Variants in SHC3 observed in about 807,000 individuals in gnomAD.
SHC3 encodes the protein SHC adaptor protein 3.
Under a neutral mutation model 60.4 loss-of-function variants are expected in SHC3, and 15 were observed. The ratio of observed to expected loss-of-function variants is 0.25; its 90% CI spans 0.17 to 0.38. The LOEUF is 0.38. SHC3 is among the 10% of genes least tolerant of loss of function. The pLI is 1.00. For missense variants in SHC3, 677 were observed against 786.1 expected (o/e 0.86, Z 1.66); for synonymous variants, 294 against 325.9 (o/e 0.90, Z 1.05).
intron 1 of SHC3, among the ~76,000 whole-genome samples, chr9:89,137,044 G>A (rs550970752): frequency 2.3e-4 from 35 of 152,012 alleles, no homozygotes; most frequent in Non-Finnish European, 4.4e-4. Context: ...TGAAGGGGGA[G>A]GTGGATATAC....
rs977845463 is a variant in SHC3 at position 89,007,049 on chromosome 9, C to G, written c.*6398G>C. ...CCTAAAATTGTATGAGATTTTATTC[C>G]TGGTGCTTTTTCAGCGAGAACCATT... On this transcript the variant is annotated 3_prime_UTR_variant, in exon 12 of 12. Transcript: ENST00000375835. 3.9e-5 allele frequency: 6 copies of G among 152,308 alleles called. No homozygotes were observed. Among genetic ancestry groups the G allele is most frequent in the African/African-American group, 1.4e-4 (6 of 41,566 alleles). The allele number at this position is 152,308 out of a possible 1,614,324, so 9.4% of individuals were successfully genotyped here.
At chr9:89,125,353 T>G (rs1333220750) in intron 1 of SHC3, among the ~76,000 whole-genome samples, 2 of 146,358 alleles carry the variant, frequency 1.4e-5, no homozygotes, top group Non-Finnish European at 3.0e-5. Flanking sequence ...TTAATGTTAG[T>G]TTTTTTTTTT....
At chr9:89,028,642 T>A (rs962195248) in intron 11 of SHC3, among the ~76,000 whole-genome samples, 1 of 146,596 alleles carries the variant, frequency 6.8e-6, no homozygotes, top group African/African-American at 2.5e-5. Context: ...TATATAGATA[T>A]CTATATAGAA....
rs1824653499 is a variant in SHC3 at position 89,040,119 on chromosome 9, AC to A, written c.1361-1832del. Among the ~76,000 whole-genome samples, 3 of 144,356 alleles carry A rather than the reference AC, an allele frequency of 2.1e-5. No homozygotes were observed. In the South Asian group the frequency reaches 6.8e-4, roughly 33 times the overall value. The allele number at this position is 144,356 out of a possible 152,430, so 94.7% of individuals were successfully genotyped here. A position where few individuals can be genotyped will look rare whatever the true frequency, so the allele number is the denominator to read the frequency against. ...CAGCATCATCACCACCATCATCACCACCACCAGCACCATCAGCAGCAGCATC... is the reference window on the plus strand; with the variant it reads ...CAGCATCATCACCACCATCATCACCACACCAGCACCATCAGCAGCAGCATC... On this transcript the variant is annotated intron_variant, in intron 10 of 11. Coordinates refer to ENST00000375835, the MANE Select transcript of SHC3 (RefSeq NM_016848.6).
At chr9:89,140,371 G>C (rs985463419) in intron 1 of SHC3, among the ~76,000 whole-genome samples, 1 of 151,940 alleles carries the variant, frequency 6.6e-6, no homozygotes, top group South Asian at 2.1e-4. Flanking sequence ...TTTTATACCA[G>C]ATCTTGGATC....
At chr9:89,034,643 C>T (rs1343011464) in intron 11 of SHC3, among the ~76,000 whole-genome samples, 2 of 152,118 alleles carry the variant, frequency 1.3e-5, no homozygotes, top group Non-Finnish European at 2.9e-5. Flanking sequence ...CAGCAAAAAT[C>T]GTCAAGAAAA....
At chr9:89,098,683 C>A (rs112569169) in intron 2 of SHC3, among the ~76,000 whole-genome samples, 12,644 of 152,078 alleles carry the variant, frequency 0.083, 626 homozygotes, top group Admixed American at 0.13. Context: ...TGGTAGCAGG[C>A]GCCTGTAGTC....
At chr9:89,047,794 G>C (rs1587694175) in intron 7 of SHC3, among the ~76,000 whole-genome samples, 1 of 152,332 alleles carries the variant, frequency 6.6e-6, no homozygotes, top group African/African-American at 2.4e-5. Context: ...TTGCTCATGG[G>C]ACTGTAAAAT....
At chr9:89,144,552 A>G (rs1022280042) in intron 1 of SHC3, among the ~76,000 whole-genome samples, 2 of 152,214 alleles carry the variant, frequency 1.3e-5, no homozygotes, top group Non-Finnish European at 2.9e-5. Context: ...AGCCCAGACT[A>G]CATCACATTA....
At chr9:89,140,990 G>C (rs957263881) in intron 1 of SHC3, among the ~76,000 whole-genome samples, 13 of 152,082 alleles carry the variant, frequency 8.5e-5, no homozygotes, top group Non-Finnish European at 1.5e-5. Flanking sequence ...TAACCATAGC[G>C]CTCTTTTAAA....
At chr9:89,046,759 C>A in intron 8 of SHC3, 85 bp downstream of exon 8, 2 of 1,356,782 alleles carry the variant, frequency 1.5e-6, no homozygotes, top group South Asian at 2.1e-5. Flanking sequence ...AGAACATCAG[C>A]CTGAAATAAA....
At chr9:89,168,328 G>A (rs554278342) in intron 1 of SHC3, among the ~76,000 whole-genome samples, 4 of 152,240 alleles carry the variant, frequency 2.6e-5, no homozygotes, top group African/African-American at 9.6e-5. Context: ...AGCTGAGCGT[G>A]GTGATGCATG....
At chr9:89,126,464 G>A (rs1228536017) in intron 1 of SHC3, among the ~76,000 whole-genome samples, 1 of 152,120 alleles carries the variant, frequency 6.6e-6, no homozygotes, top group Non-Finnish European at 1.5e-5. Flanking sequence ...TTAGGTGATG[G>A]GATTAAGCAT....
At chr9:89,078,120 G>C (rs975483784) in intron 2 of SHC3, among the ~76,000 whole-genome samples, 5 of 151,598 alleles carry the variant, frequency 3.3e-5, no homozygotes, top group African/African-American at 9.7e-5. Flanking sequence ...CAATATTCTA[G>C]TTCTCTTTGT....
intron 1 of SHC3, among the ~76,000 whole-genome samples, chr9:89,138,954 C>T (rs1461002672): frequency 2.0e-5 from 3 of 151,780 alleles, no homozygotes; most frequent in Non-Finnish European, 4.4e-5. Flanking sequence ...TTTAAGAAAA[C>T]ATTGAGTAAG....
intron 11 of SHC3, among the ~76,000 whole-genome samples, chr9:89,029,506 C>T (rs758803754): frequency 4.6e-5 from 7 of 152,134 alleles, no homozygotes; most frequent in Non-Finnish European, 8.8e-5. Context: ...AATTTATGCT[C>T]ATGCACCTCT....
At chr9:89,145,182 T>C (rs1486323964) in intron 1 of SHC3, among the ~76,000 whole-genome samples, 2 of 152,150 alleles carry the variant, frequency 1.3e-5, no homozygotes, top group Non-Finnish European at 2.9e-5. Context: ...CCAACTATAT[T>C]AAGGCATCCC....
chr9:89,173,844 T>G (rs185576901), intron 1 of SHC3, among the ~76,000 whole-genome samples: 2 of 152,204 alleles, frequency 1.3e-5, no homozygotes, highest in Non-Finnish European at 2.9e-5. Context: ...ACTTTATATA[T>G]TAATGTCAAA....
chr9:89,151,562 C>T (rs1826546277), intron 1 of SHC3, among the ~76,000 whole-genome samples: 1 of 152,064 alleles, frequency 6.6e-6, no homozygotes, highest in South Asian at 2.1e-4. Flanking sequence ...TTGTAAATTA[C>T]CCAGTTTAAG....
Sources: gnomAD v4.1 joint callset for allele counts (sites outside exome capture counted in the v4.1 genomes callset) on GRCh38, gnomAD v4.1.1 for gene constraint, MANE v1.5 for transcripts, NCBI Gene and HGNC (gene_info 2026-07-23, HGNC 2026-07-21) for gene names.